Variants in FRMD8 observed in about 807,000 individuals in gnomAD.
FRMD8 encodes the protein FERM domain-containing protein 8.
Under a neutral mutation model 54.2 loss-of-function variants are expected in FRMD8, and 37 were observed. The observed-to-expected ratio is 0.68, with a 90% CI of 0.53 to 0.90. The LOEUF is 0.90. Ranked by LOEUF, FRMD8 falls within the 40% of genes least tolerant of loss-of-function variation. The pLI is 0.00. For missense variants in FRMD8, 585 were observed against 653.7 expected (o/e 0.89, Z 1.15); for synonymous variants, 246 against 286.9 (o/e 0.86, Z 1.44).
At chr11:65,401,408 C>T (rs1590656798) in intron 9 of FRMD8, among the ~76,000 whole-genome samples, 1 of 141,156 alleles carries the variant, frequency 7.1e-6, no homozygotes, top group East Asian at 2.1e-4. Context: ...GCCCCTCCCT[C>T]TCCCACTTGG....
In FRMD8 at chr11:65,411,303, C is replaced by A; in HGVS notation, c.1338C>A (p.Ser446=). 1.2e-6 allele frequency: 2 copies of A among 1,609,538 alleles called. No homozygotes were observed. Among genetic ancestry groups the A allele is most frequent in the Non-Finnish European group, 1.7e-6 (2 of 1,179,246 alleles). ...RTTSFFSRQL[S]LGQGSYTVVQ... is the part of the protein sequence containing the mutation. ...CATCCTTCTTCAGCCGGCAGCTGTCCTTGGGCCAGGGGAGCTACACCGTGG... is the reference window on the plus strand; with the variant it reads ...CATCCTTCTTCAGCCGGCAGCTGTCATTGGGCCAGGGGAGCTACACCGTGG... The change falls in exon 11 of 11, where the codon TCC becomes TCA. Residue 446 remains serine, a synonymous_variant. Transcript: ENST00000317568.
intron 10 of FRMD8, among the ~76,000 whole-genome samples, chr11:65,407,448 C>T (rs574634638): frequency 1.3e-5 from 2 of 151,864 alleles, no homozygotes; most frequent in Admixed American, 6.6e-5. Context: ...GACGGGGTTT[C>T]GCCATGTTGG....
rs763598678 is a variant in FRMD8 at position 65,394,366 on chromosome 11, G to C, written c.522G>C (p.Leu174=). Residue 174 remains leucine, a synonymous_variant, in exon 6 of 11, where the codon CTG becomes CTC. Transcript: ENST00000317568. ...AGGACTGCGAGGCTCTGGGCGCCCT[G>C]GTGTGCCGCGTGCAGCTTGGGCCCT... ...DVEDCEALGA[L]VCRVQLGPYQ... is the part of the protein sequence containing the mutation. The C allele has an allele frequency of 5.7e-6, 9 of 1,576,578 alleles. No homozygotes were observed. The South Asian group carries it at 6.9e-5, about 12-fold the overall frequency.
chr11:65,374,323 G>A, the FRMD8 span, among the ~76,000 whole-genome samples: 1 of 145,776 alleles, frequency 6.9e-6, no homozygotes, highest in African/African-American at 2.5e-5. Context: ...CCCAGGTGGA[G>A]CAGGGTAGCC....
At chr11:65,397,059 A>G (rs1462737551) in intron 7 of FRMD8, 39 bp downstream of exon 7, 1 of 1,204,584 alleles carries the variant, frequency 8.3e-7, no homozygotes, top group Non-Finnish European at 1.1e-6. Flanking sequence ...CCCCCTCCGC[A>G]GGCTGTTCTT....
chr11:65,411,275 C>T lies in FRMD8; in HGVS notation c.1310C>T (p.Thr437Ile). The T allele has an allele frequency of 6.2e-7, 1 of 1,609,946 alleles. No individual in the cohort carries two copies. Among genetic ancestry groups the T allele is most frequent in the Non-Finnish European group, 8.5e-7 (1 of 1,179,306 alleles). ...KGIRRVKPKR[T>I]TSFFSRQLSL... ...ATCAGGCGAGTGAAGCCGAAGCGCA[C>T]CACATCCTTCTTCAGCCGGCAGCTG... Residue 437 changes from threonine (T) to isoleucine (I), a missense_variant, in exon 11 of 11, where the codon ACC becomes ATC. Transcript: ENST00000317568.
upstream of FRMD8, chr11:65,382,212 A>G: frequency 1.8e-6 from 1 of 544,520 alleles, no homozygotes; most frequent in Non-Finnish European, 3.3e-6. The surrounding 1 kb of genome is among the most constrained non-coding windows in gnomAD (Gnocchi z 4.4). Context: ...CTGATCCCCG[A>G]GCCCGGCCAA....
the FRMD8 span, chr11:65,376,254 C>T: frequency 1.0e-6 from 1 of 960,570 alleles, no homozygotes; most frequent in Non-Finnish European, 1.5e-6. Flanking sequence ...CCACAGGTGT[C>T]TGCCCAGCCC....
chr11:65,391,421 G>A (rs531098661), intron 3 of FRMD8, among the ~76,000 whole-genome samples: 6 of 152,330 alleles, frequency 3.9e-5, no homozygotes, highest in East Asian at 3.9e-4. Context: ...CCACAAGGAC[G>A]TGCAAAGCCT....
intron 9 of FRMD8, among the ~76,000 whole-genome samples, chr11:65,402,087 G>A (rs1208651858): frequency 1.3e-5 from 2 of 152,014 alleles, no homozygotes; most frequent in East Asian, 1.9e-4. Context: ...GGTGGATCAC[G>A]CCTGTAATCC....
the FRMD8 span, chr11:65,380,462 G>A: frequency 1.2e-5 from 15 of 1,218,368 alleles, no homozygotes; most frequent in Admixed American, 2.2e-5. Flanking sequence ...ACGTGTCCTC[G>A]CTGGAGCCCA....
upstream of FRMD8, chr11:65,383,778 C>G (rs375990995): frequency 4.1e-5 from 4 of 97,830 alleles, no homozygotes; most frequent in African/African-American, 1.3e-4. Flanking sequence ...AACAAACAAA[C>G]AAACAAAAAA....
chr11:65,381,449 G>A, the FRMD8 span: 148 of 166,948 alleles, frequency 8.9e-4, 1 homozygote, highest in Middle Eastern at 0.025. Flanking sequence ...TATAAAGACA[G>A]GGTCTTCCTA....
chr11:65,376,873 G>A, the FRMD8 span: 1 of 1,614,226 alleles, frequency 6.2e-7, no homozygotes, highest in Non-Finnish European at 8.5e-7. Context: ...AGGTGATGAA[G>A]TAGATCCCCA....
At position 65,411,410 on chromosome 11, in the gene FRMD8, C is replaced by G. The variant is rs571223712; in HGVS notation, c.*50C>G. 45 of 1,283,134 alleles carry G rather than the reference C, an allele frequency of 3.5e-5. No homozygotes were observed. The highest frequency in any genetic ancestry group is 4.8e-5 in the Non-Finnish European group (45 of 935,930). The allele number at this position is 1,283,134 out of a possible 1,614,324, so 79.5% of individuals were successfully genotyped here. ...GGCGACTGGGGGCCCTGGCCCGGCACTGTCCTCCTGAGGGGCAGGCGCCGG... is the reference window on the plus strand; with the variant it reads ...GGCGACTGGGGGCCCTGGCCCGGCAGTGTCCTCCTGAGGGGCAGGCGCCGG... On this transcript the variant is annotated 3_prime_UTR_variant, in exon 11 of 11. Coordinates refer to ENST00000317568, the MANE Select transcript of FRMD8 (RefSeq NM_031904.5).
chr11:65,396,569 C>G (rs1305255541), intron 6 of FRMD8, among the ~76,000 whole-genome samples: 5 of 152,184 alleles, frequency 3.3e-5, no homozygotes, highest in Admixed American at 1.3e-4. Flanking sequence ...TACAGCTGCT[C>G]TCGGCAGAAG....
At position 65,389,407 on chromosome 11, in the gene FRMD8, G is replaced by A; in HGVS notation, c.132G>A (p.Leu44=). 1.2e-6 allele frequency: 2 copies of A among 1,610,806 alleles called. No individual in the cohort carries two copies. Among genetic ancestry groups the A allele is most frequent in the Non-Finnish European group, 8.5e-7 (1 of 1,179,992 alleles). Residue 44 remains leucine (L), a synonymous_variant, in exon 3 of 11, where the codon CTG becomes CTA. Coordinates refer to ENST00000317568, the MANE Select transcript of FRMD8 (RefSeq NM_031904.5). ...VYLADDTVVP[L]AVENLPSLSA... The stretch of plus-strand genomic sequence containing the variant: ...TAGCGGATGACACGGTGGTGCCCCT[G>A]GCTGTGGAGAACCTGCCCTCGCTCA...
At chr11:65,390,374 C>G (rs1020841346) in intron 3 of FRMD8, among the ~76,000 whole-genome samples, 1 of 152,134 alleles carries the variant, frequency 6.6e-6, no homozygotes, top group Non-Finnish European at 1.5e-5. Flanking sequence ...TCTTAGCTTA[C>G]ACATTCCCTT....
At chr11:65,392,016 C>T (rs1207464390) in intron 3 of FRMD8, among the ~76,000 whole-genome samples, 1 of 152,170 alleles carries the variant, frequency 6.6e-6, no homozygotes, top group Non-Finnish European at 1.5e-5. Flanking sequence ...ATGAGGGGCT[C>T]AGTGGCCAAG....
Sources: gnomAD v4.1 joint callset for allele counts (sites outside exome capture counted in the v4.1 genomes callset) on GRCh38, gnomAD v4.1.1 for gene constraint, Gnocchi (gnomAD v3.1) non-coding constraint, MANE v1.5 for transcripts, NCBI Gene and HGNC (gene_info 2026-07-23, HGNC 2026-07-21) for gene names.